DENND4A: variants seen among roughly 807,000 people sequenced by gnomAD.
DENND4A encodes the protein DENN domain containing 4A, also known as C-myc promoter-binding protein.
Under a neutral mutation model 199.3 loss-of-function variants are expected in DENND4A, and 70 were observed. The ratio of observed to expected loss-of-function variants is 0.35; its 90% CI spans 0.29 to 0.43. The LOEUF is 0.43. DENND4A is among the 20% of genes least tolerant of loss of function. The pLI, the probability that DENND4A is intolerant of heterozygous loss-of-function variation, is 1.00. For synonymous variants in DENND4A, 686 were observed against 766.9 expected (o/e 0.89, Z 1.74); for missense variants, 1,723 against 2,255.8 (o/e 0.76, Z 4.78).
chr15:65,665,506 A>G (rs746923662), intron 29 of DENND4A, 44 bp from the exon 30 acceptor site: 1 of 1,407,650 alleles, frequency 7.1e-7, no homozygotes, highest in South Asian at 1.4e-5. Context: ...TTACATGATA[A>G]TTTTTCATAA....
chr15:65,673,398 G>A (rs1046997706), intron 24 of DENND4A, among the ~76,000 whole-genome samples: 5 of 151,904 alleles, frequency 3.3e-5, no homozygotes, highest in Non-Finnish European at 5.9e-5. Context: ...CTGAACCCAG[G>A]AGGAGGAAGC....
intron 29 of DENND4A, 119 bp downstream of exon 29, chr15:65,667,330 A>G: frequency 7.9e-7 from 1 of 1,266,478 alleles, no homozygotes; most frequent in South Asian, 1.5e-5. Context: ...CTACGTCTCA[A>G]AAAATAAAAT....
chr15:65,785,237 C>T (rs1032411319), intron 1 of DENND4A, among the ~76,000 whole-genome samples: 5 of 150,510 alleles, frequency 3.3e-5, no homozygotes, highest in African/African-American at 7.4e-5. Context: ...TGGTGGCTCA[C>T]GATTATAATT....
chr15:65,733,605 A>T (rs2076024437), intron 7 of DENND4A, among the ~76,000 whole-genome samples: 1 of 152,224 alleles, frequency 6.6e-6, no homozygotes, highest in African/African-American at 2.4e-5. Context: ...AACAGACATG[A>T]CAGGATATGT....
intron 1 of DENND4A, among the ~76,000 whole-genome samples, chr15:65,784,785 C>T (rs1038506456): frequency 6.6e-6 from 1 of 152,006 alleles, no homozygotes; most frequent in South Asian, 2.1e-4. Flanking sequence ...GAAAGCCCTC[C>T]TCCAAGCAGG....
intron 1 of DENND4A, among the ~76,000 whole-genome samples, chr15:65,782,039 G>T (rs1042997662): frequency 6.6e-6 from 1 of 152,178 alleles, no homozygotes; most frequent in Non-Finnish European, 1.5e-5. Flanking sequence ...AAGAGAAAAA[G>T]GATTTTAGGG....
chr15:65,678,217 A>G (rs544738996), intron 23 of DENND4A, among the ~76,000 whole-genome samples: 2 of 152,280 alleles, frequency 1.3e-5, no homozygotes, highest in South Asian at 4.1e-4. Flanking sequence ...CGTGAGCCAC[A>G]GCACCTGGCC....
At chr15:65,685,186 G>A (rs1284709392) in intron 23 of DENND4A, among the ~76,000 whole-genome samples, 2 of 151,212 alleles carry the variant, frequency 1.3e-5, no homozygotes, top group Admixed American at 6.6e-5. Flanking sequence ...GAGTGCAGTG[G>A]CGCAATCTCA....
intron 1 of DENND4A, among the ~76,000 whole-genome samples, chr15:65,772,842 A>C (rs2077173053): frequency 6.6e-6 from 1 of 151,718 alleles, no homozygotes; most frequent in Non-Finnish European, 1.5e-5. Flanking sequence ...AAAACAGTTT[A>C]AGATTCATTC....
chr15:65,772,097 G>C, intron 1 of DENND4A: 1 of 939,868 alleles, frequency 1.1e-6, no homozygotes, highest in Non-Finnish European at 1.7e-6. Context: ...GAGCCTCCTG[G>C]ACGATGTCGA....
rs539341452 is a variant in DENND4A at position 65,751,213 on chromosome 15, G to A, written c.561+1166C>T. Among the ~76,000 whole-genome samples, 235 of 152,268 alleles carry A rather than the reference G, an allele frequency of 1.5e-3. 1 individual carries two copies. The highest frequency in any genetic ancestry group is 5.2e-3 in the African/African-American group (217 of 41,570). ...AATAGAGGCGTTGTGAAGTGGCCAT[G>A]TTCGAGATACATTTTGAAATTATAG... On this transcript the variant is annotated intron_variant, in intron 4 of 32. Coordinates refer to ENST00000443035, the MANE Select transcript of DENND4A (RefSeq NM_001320835.1).
intron 24 of DENND4A, among the ~76,000 whole-genome samples, chr15:65,672,663 G>A (rs960412556): frequency 6.6e-6 from 1 of 151,302 alleles, no homozygotes; most frequent in Non-Finnish European, 1.5e-5. Context: ...AAATACTTGA[G>A]AAGAATTCCC....
chr15:65,722,821 C>A, intron 12 of DENND4A, 27 bp downstream of exon 12: 3 of 1,501,430 alleles, frequency 2.0e-6, no homozygotes, highest in Non-Finnish European at 1.8e-6. Context: ...GATTAAATTA[C>A]CTCCTTTAAT....
At chr15:65,721,814 A>C (rs149459775) in intron 12 of DENND4A, among the ~76,000 whole-genome samples, 3 of 152,194 alleles carry the variant, frequency 2.0e-5, no homozygotes, top group African/African-American at 7.2e-5. Flanking sequence ...TTATATAATA[A>C]GTATTAAGTT....
At chr15:65,723,029 C>A in intron 11 of DENND4A, 81 bp from the exon 12 acceptor site, 10 of 1,056,772 alleles carry the variant, frequency 9.5e-6, no homozygotes, top group East Asian at 3.0e-5. Context: ...TATATAAAAA[C>A]GGGAAAAGAT....
intron 13 of DENND4A, among the ~76,000 whole-genome samples, chr15:65,715,954 C>T (rs907819676): frequency 1.3e-5 from 2 of 151,950 alleles, no homozygotes. Context: ...CACACTCTCT[C>T]CATATAAATA....
chr15:65,738,079 G>A, intron 6 of DENND4A, 134 bp from the exon 7 acceptor site: 1 of 782,456 alleles, frequency 1.3e-6, no homozygotes, highest in East Asian at 2.7e-5. Flanking sequence ...GTGATGAAGA[G>A]ACACCCCTCC....
intron 14 of DENND4A, among the ~76,000 whole-genome samples, chr15:65,710,856 T>C (rs2075228955): frequency 6.6e-6 from 1 of 152,208 alleles, no homozygotes; most frequent in South Asian, 2.1e-4. Flanking sequence ...TTTAAGCATA[T>C]GGCAGTTTCT....
intron 1 of DENND4A, among the ~76,000 whole-genome samples, chr15:65,786,034 T>C (rs2077558177): frequency 1.3e-5 from 2 of 152,118 alleles, no homozygotes. Context: ...CCTATAAATA[T>C]CTTATAAAGG....
Sources: allele counts gnomAD v4.1 joint callset (sites outside exome capture counted in the v4.1 genomes callset), GRCh38; gene constraint gnomAD v4.1.1; transcripts MANE v1.5; gene names NCBI Gene and HGNC (gene_info 2026-07-23, HGNC 2026-07-21).